DCUN1D4: variants seen among roughly 807,000 people sequenced by gnomAD.
DCUN1D4 encodes DCN1-like protein 4.
In DCUN1D4, 22 loss-of-function variants were observed where a neutral mutation model predicts 47.9. The observed-to-expected ratio is 0.46, with a 90% CI of 0.33 to 0.66. The LOEUF is 0.66. Ranked by LOEUF, DCUN1D4 falls within the 30% of genes least tolerant of loss-of-function variation. The pLI is 0.02. For synonymous variants in DCUN1D4, 121 were observed against 112.2 expected (o/e 1.08, Z -0.50); for missense variants, 301 against 340.8 (o/e 0.88, Z 0.92).
Position 51,899,315 on chromosome 4 carries a change from A to G in DCUN1D4, c.552A>G (p.Arg184=). Reference sequence around the variant, plus strand: ...TCAGAAATACTTTGGATTACTTAAGATCATTCTTAAATGATTCTACAAACT... The same window carrying G: ...TCAGAAATACTTTGGATTACTTAAGGTCATTCTTAAATGATTCTACAAACT... ...EKLRNTLDYL[R]SFLNDSTNFK... is the part of the protein sequence containing the mutation. Residue 184 remains arginine, a synonymous_variant, in exon 8 of 11, where the codon AGA becomes AGG. Transcript: ENST00000334635. 1 of 1,608,774 alleles carries G rather than the reference A, an allele frequency of 6.2e-7. No individual in the cohort carries two copies. Among genetic ancestry groups the G allele is most frequent in the Admixed American group, 1.7e-5 (1 of 58,432 alleles).
chr4:51,880,715 T>C (rs919798624), intron 5 of DCUN1D4, among the ~76,000 whole-genome samples: 5 of 152,206 alleles, frequency 3.3e-5, no homozygotes, highest in Non-Finnish European at 7.3e-5. Flanking sequence ...GTAGGTGTAC[T>C]CCCTTTCACA....
chr4:51,907,056 C>A (rs983795152), intron 8 of DCUN1D4, among the ~76,000 whole-genome samples: 3 of 152,150 alleles, frequency 2.0e-5, no homozygotes, highest in African/African-American at 7.2e-5. Flanking sequence ...GAAAAGTTAA[C>A]CATAGAATTA....
In DCUN1D4 at chr4:51,913,672, C is replaced by T; in HGVS notation, c.*88C>T. On this transcript the variant is annotated 3_prime_UTR_variant, in exon 11 of 11. Transcript: ENST00000334635. The stretch of plus-strand genomic sequence containing the variant: ...ATTGCTGTTTGTATCAAAGCGCATG[C>T]TGCTTCTCTTGCACTGTTTCCCTTT... 2.5e-6 allele frequency: 3 copies of T among 1,207,532 alleles called. No individual in the cohort carries two copies. The highest frequency in any genetic ancestry group is 3.7e-6 in the Non-Finnish European group (3 of 821,110). 74.8% of individuals were successfully genotyped at this position (1,207,532 alleles called of 1,614,324 possible). A position where few individuals can be genotyped will look rare whatever the true frequency, so the allele number is the denominator to read the frequency against.
chr4:51,915,707 T>A lies in DCUN1D4; in HGVS notation c.*2123T>A, dbSNP rs1326513564. ...CACTATGTTAGAATATAGAGATTTT[T>A]AAAAAATGCTGATAAGCACAGTTAA... On this transcript the variant is annotated 3_prime_UTR_variant, in exon 11 of 11. Coordinates refer to ENST00000334635, the MANE Select transcript of DCUN1D4 (RefSeq NM_001040402.3). 6.6e-6 allele frequency: 1 copy of A among 152,602 alleles called. No individual in the cohort carries two copies. Among genetic ancestry groups the A allele is most frequent in the African/African-American group, 2.4e-5 (1 of 41,462 alleles). The allele number at this position is 152,602 out of a possible 1,614,324, so 9.5% of individuals were successfully genotyped here. A position where few individuals can be genotyped will look rare whatever the true frequency, so the allele number is the denominator to read the frequency against.
intron 3 of DCUN1D4, among the ~76,000 whole-genome samples, chr4:51,872,352 G>GT (rs1727023667): frequency 6.6e-6 from 1 of 152,198 alleles, no homozygotes; most frequent in Non-Finnish European, 1.5e-5. Flanking sequence ...TTCAGAGCAG[G>GT]TATCTGGAAA....
intron 3 of DCUN1D4, among the ~76,000 whole-genome samples, chr4:51,870,932 C>T (rs1726789920): frequency 6.6e-6 from 1 of 151,790 alleles, no homozygotes; most frequent in South Asian, 2.1e-4. Flanking sequence ...ACCAGCTGTG[C>T]TGTGTGGTCC....
At chr4:51,870,724 C>T (rs1726757481) in intron 3 of DCUN1D4, among the ~76,000 whole-genome samples, 1 of 152,202 alleles carries the variant, frequency 6.6e-6, no homozygotes, top group African/African-American at 2.4e-5. Flanking sequence ...CTAGTTGTTG[C>T]TCTTGCTTAG....
chr4:51,858,527 T>C (rs145567247), intron 1 of DCUN1D4, among the ~76,000 whole-genome samples: 2 of 152,336 alleles, frequency 1.3e-5, no homozygotes, highest in African/African-American at 4.8e-5. Context: ...TCTGTAACTA[T>C]TGGGTGAGGT....
the DCUN1D4 span, among the ~76,000 whole-genome samples, chr4:51,834,776 C>T: frequency 1.3e-5 from 2 of 151,994 alleles, no homozygotes; most frequent in Admixed American, 1.3e-4. Flanking sequence ...GCAGAGGCTC[C>T]CAAAGAGGAT....
At chr4:51,865,255 A>G (rs1365130549) in intron 3 of DCUN1D4, 1 of 228,012 alleles carries the variant, frequency 4.4e-6, no homozygotes, top group Non-Finnish European at 9.2e-6. Flanking sequence ...CACCTCCTAC[A>G]TCTATAAAGT....
intron 3 of DCUN1D4, chr4:51,865,143 A>G: frequency 4.6e-6 from 1 of 215,326 alleles, no homozygotes; most frequent in East Asian, 1.1e-4. Flanking sequence ...TTTGTTCACA[A>G]ATGAACTGCA....
chr4:51,885,441 A>G (rs1357841247), intron 5 of DCUN1D4, among the ~76,000 whole-genome samples: 1 of 152,222 alleles, frequency 6.6e-6, no homozygotes, highest in Admixed American at 6.5e-5. Flanking sequence ...GGGACAGCAT[A>G]CAGGAGGATA....
At chr4:51,893,982 A>C (rs77709348) in intron 7 of DCUN1D4, among the ~76,000 whole-genome samples, 376 of 152,290 alleles carry the variant, frequency 2.5e-3, no homozygotes, top group African/African-American at 8.5e-3. Context: ...TCTCCTGGGA[A>C]GTGAGAAGCA....
At chr4:51,844,355 A>G (rs1346453777) in intron 1 of DCUN1D4, 1 of 984,442 alleles carries the variant, frequency 1.0e-6, no homozygotes, top group African/African-American at 1.8e-5. Context: ...TAAGTGCCCT[A>G]AGGTTGGAAC....
At chr4:51,844,874 C>A (rs999823748) in intron 1 of DCUN1D4, 65 of 985,264 alleles carry the variant, frequency 6.6e-5, no homozygotes, top group Non-Finnish European at 7.3e-5. Context: ...CCCTTGGAGC[C>A]TTCCTGCTCG....
In DCUN1D4 at chr4:51,916,046, G is replaced by GA. The variant is rs1297076382; in HGVS notation, c.*2462_*2463insA. On this transcript the variant is annotated 3_prime_UTR_variant, in exon 11 of 11. Coordinates refer to ENST00000334635, the MANE Select transcript of DCUN1D4 (RefSeq NM_001040402.3). ...TACATTTTCTTAAAAACTTCTCTAAGTTGCACAAAACTGAACAATCATCAA... is the reference window on the plus strand; with the variant it reads ...TACATTTTCTTAAAAACTTCTCTAAGATTGCACAAAACTGAACAATCATCAA... 5 of 152,052 alleles carry GA rather than the reference G, an allele frequency of 3.3e-5. No homozygotes were observed. Among genetic ancestry groups the GA allele is most frequent in the Admixed American group, 6.6e-5 (1 of 15,244 alleles). The allele number at this position is 152,052 out of a possible 1,614,324, so 9.4% of individuals were successfully genotyped here.
rs145077710 is a variant in DCUN1D4 at position 51,906,804 on chromosome 4, G to A, written c.616-4266G>A. Among the ~76,000 whole-genome samples, 1,435 of 152,216 alleles carry A rather than the reference G, an allele frequency of 9.4e-3. 15 individuals are homozygous for A. Among genetic ancestry groups the A allele is most frequent in the African/African-American group, 0.032 (1,343 of 41,540 alleles). On this transcript the variant is annotated intron_variant, in intron 8 of 10. Transcript: ENST00000334635. ...ACTGGCCTGTATGTTTCTTCATATC[G>A]AAATCTCTCTTCCTTCCTTACTTCT...
rs1205021786 is a variant in DCUN1D4 at position 51,914,427 on chromosome 4, T to TATAG, written c.*844_*845insTAGA. On this transcript the variant is annotated 3_prime_UTR_variant, in exon 11 of 11. Transcript: ENST00000334635. ...TCTGCTAATGCTTTCTTTGCCACTC[T>TATAG]AAGTAAAATTTATTTCACCTCCTCA... The TATAG allele has an allele frequency of 1.3e-5, 2 of 152,440 alleles. No individual in the cohort carries two copies. The highest frequency in any genetic ancestry group is 4.8e-5 in the African/African-American group (2 of 41,446). The allele number at this position is 152,440 out of a possible 1,614,324, so 9.4% of individuals were successfully genotyped here. A position where few individuals can be genotyped will look rare whatever the true frequency, so the allele number is the denominator to read the frequency against.
chr4:51,847,380 T>C (rs1048496363), intron 1 of DCUN1D4, among the ~76,000 whole-genome samples: 1 of 152,182 alleles, frequency 6.6e-6, no homozygotes, highest in Non-Finnish European at 1.5e-5. Flanking sequence ...TTTTTAATAG[T>C]CAAAGAAGAG....
Sources: gnomAD v4.1 joint callset for allele counts (sites outside exome capture counted in the v4.1 genomes callset) on GRCh38, gnomAD v4.1.1 for gene constraint, MANE v1.5 for transcripts, NCBI Gene and HGNC (gene_info 2026-07-23, HGNC 2026-07-21) for gene names.